The following ALK variants were observed in gnomAD, a reference collection of about 807,000 sequenced individuals.
The protein encoded by ALK is ALK receptor tyrosine kinase.
In ALK, 74 loss-of-function variants were observed where a neutral mutation model predicts 163.1. The ratio of observed to expected loss-of-function variants is 0.45; its 90% CI spans 0.38 to 0.55. The LOEUF (loss-of-function observed/expected upper bound fraction) is 0.55, where lower values mean the gene tolerates loss of function less well. Among genes scored for constraint, ALK ranks in the 20% least tolerant of loss-of-function variants. ALK has a pLI of 0.00. For synonymous variants in ALK, 960 were observed against 843.2 expected, an observed-to-expected ratio of 1.14 and a Z score of -2.40; for missense variants, 2,063 against 2,105.3, an observed-to-expected ratio of 0.98 and a Z score of 0.39.
chr2:29,888,362 A>G (rs1558534630), intron 1 of ALK, among the ~76,000 whole-genome samples: 3 of 152,038 alleles, frequency 2.0e-5, no homozygotes, highest in Admixed American at 2.0e-4. Flanking sequence ...TCAAAGCAGG[A>G]TTAGAAGAAA....
chr2:29,199,996 A>G (rs1330606783), intron 26 of ALK, among the ~76,000 whole-genome samples: 5 of 152,178 alleles, frequency 3.3e-5, no homozygotes, highest in African/African-American at 4.8e-5. Context: ...TATTTTCCCT[A>G]TTTTTCAGGT....
At chr2:29,734,721 C>G (rs1679845153) in intron 1 of ALK, among the ~76,000 whole-genome samples, 1 of 151,776 alleles carries the variant, frequency 6.6e-6, no homozygotes, top group Non-Finnish European at 1.5e-5. Context: ...AATCTCAATT[C>G]CAACAGTAAT....
At chr2:29,374,192 G>C (rs150488481) in intron 5 of ALK, among the ~76,000 whole-genome samples, 1 of 152,152 alleles carries the variant, frequency 6.6e-6, no homozygotes, top group Non-Finnish European at 1.5e-5. Context: ...ATGAGAATAC[G>C]TATTGTGCCA....
chr2:29,522,205 A>G (rs1405758348), intron 4 of ALK, among the ~76,000 whole-genome samples: 1 of 152,172 alleles, frequency 6.6e-6, no homozygotes, highest in Non-Finnish European at 1.5e-5. Flanking sequence ...TCTACTCCTT[A>G]CAAGCTGTGC....
At position 29,408,879 on chromosome 2, in the gene ALK, T is replaced by C. The variant is rs187442355; in HGVS notation, c.1155-25020A>G. On this transcript the variant is annotated intron_variant, in intron 4 of 28. Transcript: ENST00000389048. ...GAGAATGCTCAGGTAGAAAACCAGA[T>C]CAAGAAAAGAACAGAACTTGCTGAT... Among the ~76,000 whole-genome samples the C allele has an allele frequency of 4.4e-4, 67 of 152,256 alleles. 1 individual carries two copies. The East Asian group carries it at 0.012, about 27-fold the overall frequency.
chr2:29,864,504 T>C (rs944290561), intron 1 of ALK, among the ~76,000 whole-genome samples: 1 of 152,234 alleles, frequency 6.6e-6, no homozygotes, highest in Non-Finnish European at 1.5e-5. Context: ...CTTCTACCCT[T>C]TGAATGCATG....
intron 1 of ALK, among the ~76,000 whole-genome samples, chr2:29,757,799 G>T (rs568933830): frequency 3.3e-5 from 5 of 152,154 alleles, no homozygotes; most frequent in African/African-American, 9.6e-5. Context: ...TTTGGTTTTG[G>T]TTGCTGTTGT....
In ALK at chr2:29,895,175, G is replaced by A. The variant is rs78137019; in HGVS notation, c.667+24818C>T. Among the ~76,000 whole-genome samples the A allele has an allele frequency of 1.6e-3, 247 of 152,292 alleles. 1 individual carries two copies. The highest frequency in any genetic ancestry group is 0.014 in the Middle Eastern group (4 of 294). ...ATTTGGCAAGTTACACACAAGGGCC[G>A]CTGGTTGATCCTAATTCTCTAGAAT... On this transcript the variant is annotated intron_variant, in intron 1 of 28. Coordinates refer to ENST00000389048, the MANE Select transcript of ALK (RefSeq NM_004304.5).
chr2:29,755,068 G>C (rs1000363036), intron 1 of ALK, among the ~76,000 whole-genome samples: 1 of 83,268 alleles, frequency 1.2e-5, no homozygotes, highest in Non-Finnish European at 3.8e-5. Context: ...TTTTCCAACA[G>C]CAGCTTCTCT....
intron 1 of ALK, among the ~76,000 whole-genome samples, chr2:29,901,950 G>C (rs536513693): frequency 6.6e-6 from 1 of 152,162 alleles, no homozygotes; most frequent in East Asian, 1.9e-4. Flanking sequence ...GAGGGGAGGG[G>C]GAAAGAGAGA....
At chr2:29,894,471 G>C (rs1367573044) in intron 1 of ALK, among the ~76,000 whole-genome samples, 21 of 152,038 alleles carry the variant, frequency 1.4e-4, no homozygotes, top group Admixed American at 1.3e-3. Flanking sequence ...GGTTAAGCCT[G>C]ACTTTTGCAG....
At chr2:29,547,719 T>C (rs1046533575) in intron 3 of ALK, among the ~76,000 whole-genome samples, 1 of 152,218 alleles carries the variant, frequency 6.6e-6, no homozygotes, top group African/African-American at 2.4e-5. Context: ...CTCTCTTGCC[T>C]CCTTCTTTTA....
rs937604041 is a variant in ALK, at chr2:29,258,260, C to T, written c.2042-6993G>A. Among the ~76,000 whole-genome samples the T allele has an allele frequency of 3.3e-5, 5 of 152,194 alleles. No homozygotes were observed. In the East Asian group the frequency reaches 7.7e-4, roughly 23 times the overall value. On this transcript the variant is annotated intron_variant, in intron 11 of 28. Transcript: ENST00000389048. ...CTGTCCTGCAAATTGCCAACTAGAT[C>T]CTTTTGCAAGACTACAGGTCATGTT...
chr2:29,756,626 G>A (rs374590415), intron 1 of ALK, among the ~76,000 whole-genome samples: 14 of 148,776 alleles, frequency 9.4e-5, no homozygotes, highest in East Asian at 2.0e-4. Context: ...TCTGCCTCCC[G>A]GCAGATTCTC....
chr2:29,245,837 C>T (rs1427583684), intron 12 of ALK, among the ~76,000 whole-genome samples: 19 of 151,028 alleles, frequency 1.3e-4, no homozygotes, highest in Non-Finnish European at 1.5e-5. Context: ...CAGTGCCTTG[C>T]ACACAGTTGG....
chr2:29,229,566 G>A (rs988555738), intron 15 of ALK, among the ~76,000 whole-genome samples: 4 of 152,222 alleles, frequency 2.6e-5, no homozygotes, highest in Admixed American at 2.0e-4. Context: ...GGACTAGGCT[G>A]ACCAGAGAGC....
At chr2:29,887,740 A>C (rs997825528) in intron 1 of ALK, among the ~76,000 whole-genome samples, 4 of 152,210 alleles carry the variant, frequency 2.6e-5, no homozygotes, top group Admixed American at 6.5e-5. Flanking sequence ...AAGGCTTGAC[A>C]AGCCCATTAT....
chr2:29,334,882 T>A (rs1255731192), intron 5 of ALK, among the ~76,000 whole-genome samples: 2 of 152,190 alleles, frequency 1.3e-5, no homozygotes, highest in Admixed American at 1.3e-4. Context: ...CAACGCTCTG[T>A]CTTCTCAAGT....
chr2:29,430,557 T>A (rs1670248325), intron 4 of ALK, among the ~76,000 whole-genome samples: 1 of 152,186 alleles, frequency 6.6e-6, no homozygotes, highest in Non-Finnish European at 1.5e-5. Context: ...CAAAATTTTA[T>A]TTATAAAACC....
Sources: allele counts gnomAD v4.1 joint callset (sites outside exome capture counted in the v4.1 genomes callset), GRCh38; gene constraint gnomAD v4.1.1; transcripts MANE v1.5; gene names NCBI Gene and HGNC (gene_info 2026-07-23, HGNC 2026-07-21).